MTCL1: variants seen among roughly 807,000 people sequenced by gnomAD.
MTCL1 encodes microtubule cross-linking factor 1.
MTCL1 carries 79 observed loss-of-function variants against 141.4 expected under a neutral mutation model. That is an observed-to-expected ratio of 0.56 (90% confidence interval 0.47 to 0.67). The LOEUF is 0.67. Among genes scored for constraint, MTCL1 ranks in the 30% least tolerant of loss-of-function variants. MTCL1 has a pLI of 0.00. For synonymous variants in MTCL1, 914 were observed against 875.8 expected (o/e 1.04, Z -0.77); for missense variants, 2,177 against 2,113.9 (o/e 1.03, Z -0.59).
In MTCL1 at chr18:8,717,846, G is replaced by A. The variant is rs543486212; in HGVS notation, c.-86-58G>A. The A allele has an allele frequency of 9.2e-5, 89 of 968,754 alleles. No individual in the cohort carries two copies. The African/African-American group carries it at 1.5e-3, about 16-fold the overall frequency. 60.0% of individuals were successfully genotyped at this position (968,754 alleles called of 1,614,324 possible). ...GTGGGAAAGTCAGAATAGGTGAATG[G>A]GAAAAAACAGACCCAATGTGTATTT... On this transcript the variant is annotated intron_variant, in intron 1 of 16. Coordinates refer to ENST00000359865, the Ensembl canonical transcript of MTCL1.
intron 9 of MTCL1, 22 bp from the exon 9 acceptor site, chr18:8,798,075 C>T (rs375080670): frequency 2.2e-5 from 34 of 1,554,968 alleles, no homozygotes; most frequent in Middle Eastern, 1.7e-4. Context: ...AAGCTGTGAT[C>T]GTCACCTCCT....
At chr18:8,815,430 T>C (rs568634034) in intron 12 of MTCL1, among the ~76,000 whole-genome samples, 42 of 151,706 alleles carry the variant, frequency 2.8e-4, no homozygotes, top group African/African-American at 1.0e-3. Flanking sequence ...TGAGATCACA[T>C]GGACACAGGA....
At position 8,786,077 on chromosome 18, in the gene MTCL1, T is replaced by C. The variant is rs752262373; in HGVS notation, c.1873T>C (p.Cys625Arg). Residue 625 changes from cysteine to arginine, a missense_variant, in exon 7 of 17, where the codon TGC becomes CGC. Physicochemically the swap from Cys to Arg is radical, Grantham distance 180. Transcript: ENST00000359865. ...GAGCCACGGGCTGGGAGGCCAGACC[T>C]GCTTCAGCCTGGAGGTCAGCGTGGG... is the stretch of plus-strand genomic sequence containing the variant. 17 of 1,573,176 alleles carry C rather than the reference T, an allele frequency of 1.1e-5. No individual in the cohort carries two copies. The highest frequency in any genetic ancestry group is 1.2e-5 in the Non-Finnish European group (14 of 1,159,246).
intron 4 of MTCL1, among the ~76,000 whole-genome samples, chr18:8,758,177 C>G (rs954114984): frequency 1.3e-5 from 2 of 152,136 alleles, no homozygotes; most frequent in Admixed American, 1.3e-4. Flanking sequence ...GCATGCACCA[C>G]CATGCCTGGC....
At chr18:8,796,888 T>A (rs1446801046) in intron 9 of MTCL1, among the ~76,000 whole-genome samples, 2 of 152,236 alleles carry the variant, frequency 1.3e-5, no homozygotes, top group Non-Finnish European at 2.9e-5. Context: ...TCTTTTTTTA[T>A]TTGTACATAT....
chr18:8,829,400 T>G (rs1291647488), intron 16 of MTCL1: 1 of 985,044 alleles, frequency 1.0e-6, no homozygotes, highest in African/African-American at 1.7e-5. Flanking sequence ...CCTAATGTGA[T>G]AAGGCTTTTG....
intron 11 of MTCL1, 118 bp downstream of exon 10, chr18:8,807,178 A>G: frequency 3.7e-6 from 4 of 1,085,108 alleles, no homozygotes; most frequent in Non-Finnish European, 3.9e-6. Flanking sequence ...CAGGAAAAAA[A>G]GAGAGGAGTG....
intron 4 of MTCL1, among the ~76,000 whole-genome samples, chr18:8,745,046 T>C (rs2096328526): frequency 6.6e-6 from 1 of 152,214 alleles, no homozygotes; most frequent in Admixed American, 6.5e-5. Context: ...GAGCAGTGAG[T>C]TCACCTCCCA....
chr18:8,785,831 T>A, intron 6 of MTCL1, 105 bp from the exon 6 acceptor site: 1 of 1,425,346 alleles, frequency 7.0e-7, no homozygotes, highest in Non-Finnish European at 9.4e-7. Context: ...ATTTTTGTTT[T>A]CTTTATCCCC....
At chr18:8,710,603 G>A (rs947635874) in intron 1 of MTCL1, among the ~76,000 whole-genome samples, 7 of 150,798 alleles carry the variant, frequency 4.6e-5, no homozygotes, top group Non-Finnish European at 7.4e-5. Flanking sequence ...ATAATTTAAA[G>A]TGATGAGTTT....
intron 4 of MTCL1, among the ~76,000 whole-genome samples, chr18:8,741,847 C>A (rs1015585900): frequency 2.0e-5 from 3 of 152,164 alleles, no homozygotes; most frequent in African/African-American, 7.2e-5. Flanking sequence ...GAGCCAGGGC[C>A]TGTGTTCGCT....
chr18:8,706,384 G>A (rs531662992), exon 1 of MTCL1: 1 of 1,229,542 alleles, frequency 8.1e-7, no homozygotes, highest in Non-Finnish European at 1.0e-6. Context: ...GGGCTCCAGC[G>A]ACCGTGAACC....
intron 4 of MTCL1, among the ~76,000 whole-genome samples, chr18:8,734,772 A>T (rs2096267759): frequency 6.6e-6 from 1 of 152,120 alleles, no homozygotes; most frequent in African/African-American, 2.4e-5. Flanking sequence ...ATCCCTGCGG[A>T]GCTTTTAAGA....
intron 10 of MTCL1, chr18:8,802,036 A>G (rs1323923609): frequency 2.6e-5 from 4 of 152,238 alleles, no homozygotes; most frequent in African/African-American, 7.2e-5. Flanking sequence ...TTCTGGATGT[A>G]ACAATGAAGG....
At chr18:8,825,354 G>A in exon 15 of MTCL1, 1 of 1,538,410 alleles carries the variant, frequency 6.5e-7, no homozygotes, top group South Asian at 1.3e-5. Flanking sequence ...GAACTTGAGT[G>A]ATGACATGAA....
In MTCL1 at chr18:8,725,396, G is replaced by A. The variant is rs1308262054; in HGVS notation, c.357+4900G>A. On this transcript the variant is annotated intron_variant, in intron 4 of 16. Transcript: ENST00000359865. ...GTGTGCTTGAGACGAATGTGTTTTG[G>A]GGTGCAGACTTTGATTTAAATCTGT... 2.0e-5 allele frequency among the ~76,000 whole-genome samples: 3 copies of A among 152,256 alleles called. No individual in the cohort carries two copies. In the East Asian group the frequency reaches 5.8e-4, roughly 29 times the overall value.
intron 4 of MTCL1, among the ~76,000 whole-genome samples, chr18:8,772,598 G>A (rs2096489255): frequency 6.7e-6 from 1 of 150,116 alleles, no homozygotes; most frequent in Non-Finnish European, 1.5e-5. Flanking sequence ...ATATTATTAT[G>A]TTATATATAT....
intron 4 of MTCL1, among the ~76,000 whole-genome samples, chr18:8,774,807 T>A (rs79135259): frequency 0.011 from 1,691 of 152,292 alleles, 39 homozygotes; most frequent in African/African-American, 0.039. Flanking sequence ...CTTTAAAACT[T>A]TAACCCTTGC....
At chr18:8,785,017 T>TG (rs2096546678) in intron 6 of MTCL1, among the ~76,000 whole-genome samples, 174 bp downstream of exon 5, 1 of 149,060 alleles carries the variant, frequency 6.7e-6, no homozygotes, top group Non-Finnish European at 1.5e-5. Flanking sequence ...GCTCCGTTTT[T>TG]TTTGTTTTTT....
Sources: gnomAD v4.1 joint callset for allele counts (sites outside exome capture counted in the v4.1 genomes callset) on GRCh38, gnomAD v4.1.1 for gene constraint, MANE v1.5 for transcripts, NCBI Gene and HGNC (gene_info 2026-07-23, HGNC 2026-07-21) for gene names.